Variants in DOCK1 observed in about 807,000 individuals in gnomAD.
DOCK1 encodes the protein dedicator of cytokinesis protein 1.
A neutral mutation model predicts 262.7 loss-of-function variants in DOCK1; 138 were observed. The ratio of observed to expected loss-of-function variants is 0.53; its 90% CI spans 0.46 to 0.61. The LOEUF (loss-of-function observed/expected upper bound fraction) is 0.61, where lower values mean the gene tolerates loss of function less well. Among genes scored for constraint, DOCK1 ranks in the 20% least tolerant of loss-of-function variants. The pLI, the probability that DOCK1 is intolerant of heterozygous loss-of-function variation, is 0.00. For missense variants in DOCK1, 1,908 were observed against 2,370.7 expected (o/e 0.80, Z 4.05); for synonymous variants, 866 against 867.4 (o/e 1.00, Z 0.03).
At chr10:127,074,783 T>G (rs2046417541) in intron 23 of DOCK1, among the ~76,000 whole-genome samples, 1 of 152,192 alleles carries the variant, frequency 6.6e-6, no homozygotes, top group Non-Finnish European at 1.5e-5. Context: ...TCTCGTTGAT[T>G]TTTGAAAAGG....
intron 31 of DOCK1, 146 bp downstream of exon 31, chr10:127,343,892 A>G: frequency 1.4e-6 from 1 of 694,998 alleles, no homozygotes. Context: ...CCAATCAGGT[A>G]TTGCCTTTTC....
chr10:127,186,991 C>G (rs1455322833), intron 27 of DOCK1, among the ~76,000 whole-genome samples: 1 of 152,154 alleles, frequency 6.6e-6, no homozygotes, highest in African/African-American at 2.4e-5. Flanking sequence ...GCCATGACTC[C>G]CAGCGTTTTG....
At chr10:127,355,485 G>A (rs1471639934) in intron 32 of DOCK1, among the ~76,000 whole-genome samples, 1 of 152,124 alleles carries the variant, frequency 6.6e-6, no homozygotes, top group East Asian at 1.9e-4. Context: ...AGGTGTCCTA[G>A]GCCATGGGGT....
chr10:127,146,186 C>A, intron 27 of DOCK1: 1 of 333,366 alleles, frequency 3.0e-6, no homozygotes, highest in Non-Finnish European at 5.9e-6. Flanking sequence ...TAAATGCCTC[C>A]TTAACTTTGA....
intron 23 of DOCK1, among the ~76,000 whole-genome samples, chr10:127,071,117 T>C (rs2046207784): frequency 6.6e-6 from 1 of 152,098 alleles, no homozygotes; most frequent in Non-Finnish European, 1.5e-5. Context: ...GAAGAAAATA[T>C]TTTATGGCTT....
intron 29 of DOCK1, among the ~76,000 whole-genome samples, chr10:127,259,694 C>G (rs1249073368): frequency 6.6e-6 from 1 of 152,094 alleles, no homozygotes; most frequent in Non-Finnish European, 1.5e-5. Context: ...TGACAAAGGT[C>G]AGGCGGGATG....
intron 2 of DOCK1, among the ~76,000 whole-genome samples, chr10:126,976,778 G>T (rs1298552318): frequency 6.6e-6 from 1 of 151,804 alleles, no homozygotes; most frequent in Non-Finnish European, 1.5e-5. Context: ...CTCTCATCCA[G>T]GCTGGAGTGC....
In DOCK1 at chr10:127,104,454, G is replaced by A. The variant is rs183810231; in HGVS notation, c.2446-1777G>A. Among the ~76,000 whole-genome samples the A allele has an allele frequency of 2.6e-5, 4 of 152,266 alleles. No homozygotes were observed. In the East Asian group the frequency reaches 7.7e-4, roughly 29 times the overall value. On this transcript the variant is annotated intron_variant, in intron 23 of 51. Coordinates refer to ENST00000623213, the MANE Select transcript of DOCK1 (RefSeq NM_001290223.2). Reference sequence around the variant, plus strand: ...GAGTTTTGTACAGTGTGAGAGAGGAGGGCATGAAGTTTATTTATTTGCTCA... The same window carrying A: ...GAGTTTTGTACAGTGTGAGAGAGGAAGGCATGAAGTTTATTTATTTGCTCA...
At chr10:127,329,270 C>T (rs2062872485) in intron 29 of DOCK1, among the ~76,000 whole-genome samples, 1 of 152,198 alleles carries the variant, frequency 6.6e-6, no homozygotes, top group African/African-American at 2.4e-5. Context: ...ACCTCCCCTG[C>T]TTCCCCTGCC....
intron 29 of DOCK1, among the ~76,000 whole-genome samples, chr10:127,303,718 G>A (rs73382488): frequency 0.03 from 4,472 of 149,058 alleles, 225 homozygotes; most frequent in African/African-American, 0.11. Context: ...AAAATTAGCC[G>A]GATCATGGTG....
At chr10:127,262,915 G>C (rs1206155857) in intron 29 of DOCK1, among the ~76,000 whole-genome samples, 1 of 152,058 alleles carries the variant, frequency 6.6e-6, no homozygotes, top group African/African-American at 2.4e-5. Flanking sequence ...ATGGAGGTTG[G>C]GTCACGTGCC....
At chr10:127,397,991 G>T (rs1286834370) in intron 38 of DOCK1, among the ~76,000 whole-genome samples, 1 of 152,130 alleles carries the variant, frequency 6.6e-6, no homozygotes, top group Admixed American at 6.5e-5. Context: ...CTCCGATTTG[G>T]CAAGGCAGAG....
chr10:127,058,010 G>T (rs2045276178), intron 22 of DOCK1, among the ~76,000 whole-genome samples: 1 of 151,908 alleles, frequency 6.6e-6, no homozygotes, highest in Admixed American at 6.6e-5. Context: ...TCCACTTCAG[G>T]GTGGATCAAA....
chr10:127,435,947 G>A (rs769044454), intron 48 of DOCK1, among the ~76,000 whole-genome samples: 13 of 152,096 alleles, frequency 8.5e-5, no homozygotes, highest in African/African-American at 7.2e-5. Context: ...CTTTGTATAC[G>A]CATCAGGATT....
rs146877060 is a variant in DOCK1, at chr10:127,163,183, A to G, written c.2847+35419A>G. Among the ~76,000 whole-genome samples the G allele has an allele frequency of 1.2e-3, 183 of 152,244 alleles. 1 individual carries two copies. The Middle Eastern group carries it at 0.017, about 14-fold the overall frequency. The stretch of plus-strand genomic sequence containing the variant: ...ACTGGGCATTTTGCTGGCTGGGAAC[A>G]TGTCTTTGTTCCTCTTCACAATCCT... On this transcript the variant is annotated intron_variant, in intron 27 of 51. Transcript: ENST00000623213.
Position 127,451,759 on chromosome 10 carries a change from A to G in DOCK1, c.*332A>G. On this transcript the variant is annotated 3_prime_UTR_variant, in exon 52 of 52. Transcript: ENST00000623213. ...TGCCAAATGACTTGCATTTGCAAAG[A>G]GCTCAATTGCTCTGAGCTCAGCCAA... 2.9e-6 allele frequency: 1 copy of G among 350,382 alleles called. No individual in the cohort carries two copies. Among genetic ancestry groups the G allele is most frequent in the Non-Finnish European group, 5.3e-6 (1 of 189,660 alleles). 21.7% of individuals were successfully genotyped at this position (350,382 alleles called of 1,614,324 possible). A position where few individuals can be genotyped will look rare whatever the true frequency, so the allele number is the denominator to read the frequency against.
chr10:127,265,815 C>T (rs1369444584), intron 29 of DOCK1, among the ~76,000 whole-genome samples: 1 of 152,238 alleles, frequency 6.6e-6, no homozygotes, highest in Non-Finnish European at 1.5e-5. Context: ...GGCTTATAGT[C>T]AGGACAGGAA....
intron 23 of DOCK1, among the ~76,000 whole-genome samples, chr10:127,105,804 G>T (rs1159169845): frequency 6.6e-6 from 1 of 152,114 alleles, no homozygotes; most frequent in African/African-American, 2.4e-5. Flanking sequence ...TTGTTGCCGG[G>T]GCTGGATTGC....
chr10:127,288,808 T>C (rs4394750), intron 29 of DOCK1, among the ~76,000 whole-genome samples: 56,335 of 136,890 alleles, frequency 0.41, 10,644 homozygotes, highest in African/African-American at 0.44. Flanking sequence ...CACACACACA[T>C]AAAATAGTTT....
Sources: allele counts gnomAD v4.1 joint callset (sites outside exome capture counted in the v4.1 genomes callset), GRCh38; gene constraint gnomAD v4.1.1; transcripts MANE v1.5; gene names NCBI Gene and HGNC (gene_info 2026-07-23, HGNC 2026-07-21).